The following DYNC2I1 variants were observed in gnomAD, a reference collection of about 807,000 sequenced individuals.
DYNC2I1 encodes the protein cytoplasmic dynein 2 intermediate chain 1.
Under a neutral mutation model 133.4 loss-of-function variants are expected in DYNC2I1, and 89 were observed. That is an observed-to-expected ratio of 0.67 (90% CI 0.56 to 0.80). DYNC2I1 has a LOEUF of 0.80. DYNC2I1 is among the 30% of genes least tolerant of loss of function. DYNC2I1 has a pLI of 0.00. For synonymous variants in DYNC2I1, 504 were observed against 484.3 expected (o/e 1.04, Z -0.54); for missense variants, 1,291 against 1,314.5 (o/e 0.98, Z 0.28).
intron 23 of DYNC2I1, among the ~76,000 whole-genome samples, chr7:158,935,057 C>T (rs562441991): frequency 6.6e-6 from 1 of 152,300 alleles, no homozygotes; most frequent in Non-Finnish European, 1.5e-5. Flanking sequence ...ATATGAAATA[C>T]CAAAACCTAT....
downstream of DYNC2I1, among the ~76,000 whole-genome samples, chr7:158,949,586 T>C (rs1014327636): frequency 2.0e-5 from 3 of 151,402 alleles, no homozygotes; most frequent in Non-Finnish European, 4.4e-5. Context: ...GCAGCAAAGG[T>C]AGGAGGGAGG....
In DYNC2I1 at chr7:158,915,664, T is replaced by G. The variant is rs1294607853; in HGVS notation, c.1791+1343T>G. 1.6e-4 allele frequency among the ~76,000 whole-genome samples: 24 copies of G among 145,602 alleles called. No homozygotes were observed. The East Asian group carries it at 4.5e-3, about 28-fold the overall frequency. ...TGAAACCTCGACACGGTGGTTGACA[T>G]TAAGGATGATTGTGAAACGTCGACA... On this transcript the variant is annotated intron_variant, in intron 14 of 24. Transcript: ENST00000407559.
chr7:158,906,720 A>G (rs969277099), intron 11 of DYNC2I1, among the ~76,000 whole-genome samples: 2 of 152,232 alleles, frequency 1.3e-5, no homozygotes, highest in African/African-American at 4.8e-5. Flanking sequence ...GGCCTCCCAA[A>G]GTGCTGGGAT....
chr7:158,844,282 T>C, the DYNC2I1 span, among the ~76,000 whole-genome samples: 1 of 152,202 alleles, frequency 6.6e-6, no homozygotes, highest in Non-Finnish European at 1.5e-5. Flanking sequence ...TCCTCTCTTG[T>C]GTTCGTTAAC....
At chr7:158,880,016 T>G in intron 5 of DYNC2I1, 27 bp downstream of exon 5, 1 of 1,554,668 alleles carries the variant, frequency 6.4e-7, no homozygotes. Flanking sequence ...TTCGTTGCCT[T>G]AGCAGCCGCC....
At chr7:158,853,040 C>A (rs986554935), upstream of DYNC2I1, among the ~76,000 whole-genome samples, 2 of 152,172 alleles carry the variant, frequency 1.3e-5, no homozygotes, top group Admixed American at 1.3e-4. Context: ...TTTTAATTGG[C>A]TACAAGTCTT....
At chr7:158,909,102 G>A (rs551356572) in intron 11 of DYNC2I1, among the ~76,000 whole-genome samples, 26 of 151,894 alleles carry the variant, frequency 1.7e-4, no homozygotes, top group African/African-American at 4.3e-4. Flanking sequence ...AGACTGAGGC[G>A]GGCGGATCAC....
intron 8 of DYNC2I1, among the ~76,000 whole-genome samples, chr7:158,893,000 C>A (rs1268118995): frequency 6.6e-6 from 1 of 151,798 alleles, no homozygotes; most frequent in Non-Finnish European, 1.5e-5. Flanking sequence ...CCCTCGCCCC[C>A]ACACATGAAT....
chr7:158,870,382 C>T (rs918444136), intron 2 of DYNC2I1, among the ~76,000 whole-genome samples: 1 of 151,824 alleles, frequency 6.6e-6, no homozygotes, highest in Non-Finnish European at 1.5e-5. Context: ...GAGACAGGGT[C>T]TTACCGTTTT....
In DYNC2I1 at chr7:158,906,103, G is replaced by A. The variant is rs774342593; in HGVS notation, c.1460+12G>A. On this transcript the variant is annotated intron_variant, in intron 11 of 24. Coordinates refer to ENST00000407559, the MANE Select transcript of DYNC2I1 (RefSeq NM_018051.5). ...GCCCTTAAGCAAAAGTAGGTGTATT[G>A]GGAAAGCAGCCAAAGGTGTTCAGGG... 3 of 1,608,444 alleles carry A rather than the reference G, an allele frequency of 1.9e-6. No individual in the cohort carries two copies. In the Admixed American group the frequency reaches 5.0e-5, roughly 27 times the overall value.
rs1846128896 is a variant in DYNC2I1, at chr7:158,900,392, GATT to G, written c.1060-1344_1060-1342del. ...CTGCCTCGGCCTCCCAAAGTGCTGG[GATT>G]ATAGGTGTGAGCCACCGCGCCCAGC... On this transcript the variant is annotated intron_variant, in intron 8 of 24. Coordinates refer to ENST00000407559, the MANE Select transcript of DYNC2I1 (RefSeq NM_018051.5). Among the ~76,000 whole-genome samples the G allele has an allele frequency of 2.0e-5, 3 of 152,136 alleles. No individual in the cohort carries two copies. In the South Asian group the frequency reaches 6.2e-4, roughly 32 times the overall value.
At chr7:158,853,745 C>T (rs1841106735), upstream of DYNC2I1, among the ~76,000 whole-genome samples, 1 of 151,746 alleles carries the variant, frequency 6.6e-6, no homozygotes, top group African/African-American at 2.4e-5. Context: ...ACCTCCCACT[C>T]CTGGGTTCAA....
intron 8 of DYNC2I1, among the ~76,000 whole-genome samples, chr7:158,901,528 T>C (rs1846261584): frequency 6.6e-6 from 1 of 152,230 alleles, no homozygotes; most frequent in East Asian, 1.9e-4. Context: ...CCAAAAAGGA[T>C]GTTTACTGTT....
intron 5 of DYNC2I1, 122 bp downstream of exon 5, chr7:158,880,111 G>GA (rs1486870994): frequency 4.5e-6 from 5 of 1,121,928 alleles, no homozygotes; most frequent in East Asian, 2.5e-5. Flanking sequence ...AGTAATTTAG[G>GA]AAAAACGCAA....
intron 1 of DYNC2I1, among the ~76,000 whole-genome samples, chr7:158,861,198 T>C (rs373632095): frequency 1.3e-5 from 2 of 152,384 alleles, no homozygotes; most frequent in South Asian, 2.1e-4. Flanking sequence ...TTCTCTGTCC[T>C]TTTGAGATGT....
intron 7 of DYNC2I1, among the ~76,000 whole-genome samples, chr7:158,889,888 C>T (rs1845022179): frequency 6.6e-6 from 1 of 151,596 alleles, no homozygotes; most frequent in Admixed American, 6.6e-5. Context: ...TCCTGTAATC[C>T]CAAGCTACTT....
chr7:158,948,238 C>T (rs1033452816), downstream of DYNC2I1, among the ~76,000 whole-genome samples: 3 of 152,204 alleles, frequency 2.0e-5, no homozygotes, highest in African/African-American at 2.4e-5. Flanking sequence ...TCCTTCCCAC[C>T]GTGGGCTTCC....
chr7:158,846,125 G>A, the DYNC2I1 span, among the ~76,000 whole-genome samples: 2 of 152,142 alleles, frequency 1.3e-5, no homozygotes, highest in African/African-American at 4.8e-5. Context: ...TGGGCATGGT[G>A]GTGCGCACCT....
At chr7:158,902,314 A>G (rs2129483597) in intron 9 of DYNC2I1, 62 bp from the exon 10 acceptor site, 1 of 1,386,762 alleles carries the variant, frequency 7.2e-7, no homozygotes, top group Non-Finnish European at 1.0e-6. Context: ...TTTGTTCAGT[A>G]TGAGGGATAA....
Sources: allele counts gnomAD v4.1 joint callset (sites outside exome capture counted in the v4.1 genomes callset), GRCh38; gene constraint gnomAD v4.1.1; transcripts MANE v1.5; gene names NCBI Gene and HGNC (gene_info 2026-07-23, HGNC 2026-07-21).